Variants in PLXNA1 observed in about 807,000 individuals in gnomAD.
The protein encoded by PLXNA1 is plexin-A1.
Under a neutral mutation model 191.7 loss-of-function variants are expected in PLXNA1, and 77 were observed. The ratio of observed to expected loss-of-function variants is 0.40; its 90% confidence interval spans 0.33 to 0.49. The LOEUF (loss-of-function observed/expected upper bound fraction) is 0.49. Among genes scored for constraint, PLXNA1 ranks in the 20% least tolerant of loss-of-function variants. The pLI is 0.63. For missense variants in PLXNA1, 2,110 were observed against 2,660.2 expected, an observed-to-expected ratio of 0.79 and a Z score of 4.55; for synonymous variants, 1,137 against 1,156.4, an observed-to-expected ratio of 0.98 and a Z score of 0.34.
Position 126,991,462 on chromosome 3 carries a change from C to A in PLXNA1, c.1273C>A (p.Pro425Thr), listed in dbSNP as rs1437521824. Residue 425 changes from proline to threonine, a missense_variant, in exon 3 of 32, where the codon CCC (proline) becomes ACC (threonine). By Grantham distance (38) the Pro-to-Thr change is conservative. Around this residue, in one of 4 missense-constraint regions of PLXNA1, gnomAD observed 903 missense variants for 1,015.7 expected, o/e 0.89. Transcript: ENST00000393409. ...GGGCACAGTCACCATTGAGGGGACG[C>A]CCCTGTTCGTGGACAAGGATGATGG... ...LGGTVTIEGT[P>T]LFVDKDDGLT... is the part of the protein sequence containing the mutation. The A allele has an allele frequency of 1.9e-6, 3 of 1,612,728 alleles. No individual in the cohort carries two copies. Among genetic ancestry groups the A allele is most frequent in the South Asian group, 2.2e-5 (2 of 91,056 alleles).
chr3:126,996,659 C>T (rs2079016180), intron 3 of PLXNA1, among the ~76,000 whole-genome samples: 1 of 152,190 alleles, frequency 6.6e-6, no homozygotes, highest in South Asian at 2.1e-4. Flanking sequence ...GACTGAGCCC[C>T]CAGCCCCTTA....
At chr3:127,004,770 G>C (rs1462424189) in intron 5 of PLXNA1, 59 bp downstream of exon 5, 1 of 1,590,192 alleles carries the variant, frequency 6.3e-7, no homozygotes, top group African/African-American at 1.3e-5. Context: ...CTCACAGTGG[G>C]GGAGGGGGAG....
intron 7 of PLXNA1, among the ~76,000 whole-genome samples, 178 bp from the exon 8 acceptor site, chr3:127,005,901 A>G (rs1321238947): frequency 6.6e-6 from 1 of 152,142 alleles, no homozygotes; most frequent in African/African-American, 2.4e-5. Flanking sequence ...GCAGGAGGCA[A>G]GCAGGGCAGA....
In PLXNA1 at chr3:127,017,418, T is replaced by C; in HGVS notation, c.3277-7T>C. ...TCCCGCCCAGCATCCCCACCCTGTGTCTCCAGGGCTGCCTGGTGTACAATG... is the reference window on the plus strand; with the variant it reads ...TCCCGCCCAGCATCCCCACCCTGTGCCTCCAGGGCTGCCTGGTGTACAATG... On this transcript the variant is annotated splice_polypyrimidine_tract_variant and splice_region_variant and intron_variant, in intron 17 of 31. Transcript: ENST00000393409. 3 of 1,610,024 alleles carry C rather than the reference T, an allele frequency of 1.9e-6. No homozygotes were observed. The highest frequency in any genetic ancestry group is 3.5e-4 in the Middle Eastern group (2 of 5,718).
chr3:126,984,257 T>C (rs886994616), intron 1 of PLXNA1, among the ~76,000 whole-genome samples: 1 of 152,060 alleles, frequency 6.6e-6, no homozygotes. Flanking sequence ...CAGGCTCCTG[T>C]GTGGGGTTCT....
At chr3:127,018,853 G>T (rs2079139012) in intron 20 of PLXNA1, among the ~76,000 whole-genome samples, 1 of 152,232 alleles carries the variant, frequency 6.6e-6, no homozygotes, top group African/African-American at 2.4e-5. Context: ...CGTCTCTAGA[G>T]TGGGCACAAT....
Position 127,034,245 on chromosome 3 carries a change from G to A in PLXNA1, c.*228G>A. 2.0e-6 allele frequency: 1 copy of A among 494,810 alleles called. No individual in the cohort carries two copies. The highest frequency in any genetic ancestry group is 3.6e-6 in the Non-Finnish European group (1 of 276,348). 30.7% of individuals were successfully genotyped at this position (494,810 alleles called of 1,614,324 possible). Reference sequence around the variant, plus strand: ...CTGCGCACACAGCTGCTTGCTCAGGGGCCGGGACAGCACTGGGTGCTCAGG... The same window carrying A: ...CTGCGCACACAGCTGCTTGCTCAGGAGCCGGGACAGCACTGGGTGCTCAGG... On this transcript the variant is annotated 3_prime_UTR_variant, in exon 32 of 32. Transcript: ENST00000393409.
chr3:126,988,892 G>C lies in PLXNA1; in HGVS notation c.299G>C (p.Ser100Thr), dbSNP rs2078974949. The C allele has an allele frequency of 6.2e-7, 1 of 1,613,318 alleles. No homozygotes were observed. The highest frequency in any genetic ancestry group is 2.2e-5 in the East Asian group (1 of 44,884). The part of the protein sequence containing the change: ...EDNEKCYPPP[S>T]VQSCPHGLGS... ...AACGAGAAGTGCTACCCGCCGCCCA[G>C]CGTGCAGTCCTGCCCCCACGGCCTG... The change falls in exon 2 of 32, where the codon AGC becomes ACC. Residue 100 changes from serine (S) to threonine (T), a missense_variant. By Grantham distance (58) the Ser-to-Thr change is moderately conservative. Around this residue, in one of 4 missense-constraint regions of PLXNA1, gnomAD observed 903 missense variants for 1,015.7 expected, o/e 0.89. Transcript: ENST00000393409.
chr3:126,989,419 C>T lies in PLXNA1; in HGVS notation c.826C>T (p.His276Tyr), dbSNP rs2078978290. 6.2e-7 allele frequency: 1 copy of T among 1,613,588 alleles called. No individual in the cohort carries two copies. Among genetic ancestry groups the T allele is most frequent in the Non-Finnish European group, 8.5e-7 (1 of 1,180,048 alleles). The change falls in exon 2 of 32, where the codon CAC (histidine) becomes TAC (tyrosine). Residue 276 changes from histidine (H) to tyrosine (Y), a missense_variant. His to Tyr is a moderately conservative substitution (Grantham distance 83, BLOSUM62 2). Transcript: ENST00000393409. ...GACCTCGCCTGATGCCGCCGGCGAGCACTTCTTCACGTCCAAGATCGTGCG... is the reference window on the plus strand; with the variant it reads ...GACCTCGCCTGATGCCGCCGGCGAGTACTTCTTCACGTCCAAGATCGTGCG... ...QLTSPDAAGE[H>Y]FFTSKIVRLC...
In PLXNA1 at chr3:127,015,196, T is replaced by C; in HGVS notation, c.2890T>C (p.Tyr964His). 6.2e-7 allele frequency: 1 copy of C among 1,612,642 alleles called. No homozygotes were observed. The highest frequency in any genetic ancestry group is 1.3e-5 in the African/African-American group (1 of 75,028). ...KRFTFVTPTFYRVSPSRGPLS... is the reference protein window; with the variant it reads ...KRFTFVTPTFHRVSPSRGPLS... Reference sequence around the variant, plus strand: ...CCTCTTCCTGCAGACACCAACCTTCTACCGTGTGAGCCCCTCCCGTGGGCC... The same window carrying C: ...CCTCTTCCTGCAGACACCAACCTTCCACCGTGTGAGCCCCTCCCGTGGGCC... Residue 964 changes from tyrosine (Y) to histidine (H), a missense_variant, in exon 15 of 32, where the codon TAC (tyrosine) becomes CAC (histidine). By Grantham distance (83) the Tyr-to-His change is moderately conservative. Transcript: ENST00000393409.
rs2079109469 is a variant in PLXNA1 at position 127,014,184 on chromosome 3, C to T, written c.2413C>T (p.His805Tyr). The T allele has an allele frequency of 1.2e-6, 2 of 1,611,042 alleles. No homozygotes were observed. The highest frequency in any genetic ancestry group is 1.7e-6 in the Non-Finnish European group (2 of 1,178,562). Residue 805 changes from histidine to tyrosine, a missense_variant and splice_region_variant, in exon 12 of 32, where the codon CAC (histidine) becomes TAC (tyrosine). This residue lies in a region of PLXNA1 where 644 missense variants were observed against 714.3 expected (regional missense o/e 0.90). Coordinates refer to ENST00000393409, the MANE Select transcript of PLXNA1 (RefSeq NM_032242.4). Reference protein sequence around the residue: ...VIDNPQNIQAHLYKCPALRES... With the variant: ...VIDNPQNIQAYLYKCPALRES... ...GCTGACCGCACCCCTCCCCACAGCG[C>T]ACCTCTACAAGTGCCCGGCCCTGCG...
chr3:126,983,863 G>C (rs1398689686), intron 1 of PLXNA1, among the ~76,000 whole-genome samples: 1 of 152,028 alleles, frequency 6.6e-6, no homozygotes, highest in Non-Finnish European at 1.5e-5. Context: ...GGTCGTGCAG[G>C]CTAAGCCCCC....
rs960876394 is a variant in PLXNA1, at chr3:127,018,017, C to G, written c.3660+125C>G. On this transcript the variant is annotated intron_variant, in intron 19 of 31. Transcript: ENST00000393409. ...CACCCCTAGCTCAGAGGGCGCCCGG[C>G]TCCAGTGCAGGCCCTGCCGTAGCCT... 9 of 1,336,102 alleles carry G rather than the reference C, an allele frequency of 6.7e-6. No homozygotes were observed. In the African/African-American group the frequency reaches 1.3e-4, roughly 19 times the overall value. The allele number at this position is 1,336,102 out of a possible 1,614,324, so 82.8% of individuals were successfully genotyped here. A position where few individuals can be genotyped will look rare whatever the true frequency, so the allele number is the denominator to read the frequency against.
At chr3:127,032,253 C>A (rs1188705235) in intron 29 of PLXNA1, 134 bp from the exon 30 acceptor site, 1 of 856,954 alleles carries the variant, frequency 1.2e-6, no homozygotes, top group Non-Finnish European at 1.8e-6. Context: ...GGGCCCTGCA[C>A]CTCTGTGGGC....
chr3:127,033,383 C>G (rs1234691278), intron 31 of PLXNA1, among the ~76,000 whole-genome samples: 1 of 152,154 alleles, frequency 6.6e-6, no homozygotes, highest in African/African-American at 2.4e-5. Context: ...CTAAGAAGGC[C>G]ACGGGAGTGA....
intron 9 of PLXNA1, among the ~76,000 whole-genome samples, chr3:127,010,436 T>C (rs1368486570): frequency 6.6e-6 from 1 of 152,188 alleles, no homozygotes; most frequent in Non-Finnish European, 1.5e-5. Context: ...GGTGCCGAGC[T>C]TCCTGGGTTC....
intron 16 of PLXNA1, 63 bp downstream of exon 16, chr3:127,016,747 T>A: frequency 6.3e-7 from 1 of 1,578,292 alleles, no homozygotes; most frequent in Non-Finnish European, 8.7e-7. Flanking sequence ...AGCCAGGAGC[T>A]CTTCCACTGG....
rs1254888200 is a variant in PLXNA1, at chr3:127,034,901, C to G, written c.*884C>G. 1 of 152,790 alleles carries G rather than the reference C, an allele frequency of 6.5e-6. No individual in the cohort carries two copies. Among genetic ancestry groups the G allele is most frequent in the Non-Finnish European group, 1.5e-5 (1 of 68,164 alleles). 9.5% of individuals were successfully genotyped at this position (152,790 alleles called of 1,614,324 possible). ...TCAAGGGTAGGCTGAGCTCCCCACC[C>G]TGGAGCCCCTGAGGGCGGCCCCTGA... On this transcript the variant is annotated 3_prime_UTR_variant, in exon 32 of 32. Transcript: ENST00000393409.
chr3:126,988,515 C>A lies in PLXNA1; in HGVS notation c.-73-6C>A. The A allele has an allele frequency of 7.9e-7, 1 of 1,272,772 alleles. No homozygotes were observed. Among genetic ancestry groups the A allele is most frequent in the African/African-American group, 1.5e-5 (1 of 66,540 alleles). 78.8% of individuals were successfully genotyped at this position (1,272,772 alleles called of 1,614,324 possible). A position where few individuals can be genotyped will look rare whatever the true frequency, so the allele number is the denominator to read the frequency against. ...ATTCACATGCCCTCTTCTGCCCCTT[C>A]CCCAGGGCTGAAGCTCCTGGCACCA... On this transcript the variant is annotated splice_polypyrimidine_tract_variant and splice_region_variant and intron_variant, in intron 1 of 31. Transcript: ENST00000393409.
Sources: gnomAD v4.1 joint callset for allele counts (sites outside exome capture counted in the v4.1 genomes callset) on GRCh38, gnomAD v4.1.1 for gene constraint, gnomAD v4.1.1 regional missense constraint, MANE v1.5 for transcripts, NCBI Gene and HGNC (gene_info 2026-07-23, HGNC 2026-07-21) for gene names.